KCNK2: variants seen among roughly 807,000 people sequenced by gnomAD.
KCNK2 encodes potassium two pore domain channel subfamily K member 2.
A neutral mutation model predicts 40.5 loss-of-function variants in KCNK2; 21 were observed. The ratio of observed to expected loss-of-function variants is 0.52; its 90% CI spans 0.37 to 0.75. KCNK2 has a LOEUF of 0.75. KCNK2 is among the 30% of genes least tolerant of loss of function. The pLI, the probability that KCNK2 is intolerant of heterozygous loss-of-function variation, is 0.00. For synonymous variants in KCNK2, 191 were observed against 202.2 expected, an observed-to-expected ratio of 0.94 and a Z score of 0.47; for missense variants, 399 against 531.6, an observed-to-expected ratio of 0.75 and a Z score of 2.45.
chr1:215,030,799 A>G (rs1657162609), intron 1 of KCNK2, among the ~76,000 whole-genome samples: 3 of 150,846 alleles, frequency 2.0e-5, no homozygotes, highest in African/African-American at 7.3e-5. Context: ...TGTCCACTTC[A>G]GCCTCCCAAA....
chr1:215,156,263 C>G (rs1359009614), intron 3 of KCNK2, among the ~76,000 whole-genome samples: 1 of 152,166 alleles, frequency 6.6e-6, no homozygotes, highest in Non-Finnish European at 1.5e-5. Context: ...TGCCTGTTCA[C>G]TTGAGACTGT....
intron 5 of KCNK2, among the ~76,000 whole-genome samples, chr1:215,178,388 T>G (rs1165559870): frequency 6.6e-6 from 1 of 152,152 alleles, no homozygotes; most frequent in Non-Finnish European, 1.5e-5. Flanking sequence ...GGACTCCCAG[T>G]AGTATGTTGA....
intron 1 of KCNK2, among the ~76,000 whole-genome samples, chr1:215,073,685 G>T (rs1458819829): frequency 6.6e-6 from 1 of 152,000 alleles, no homozygotes; most frequent in East Asian, 1.9e-4. Flanking sequence ...TATATAGCAA[G>T]GTGTATTGAC....
intron 1 of KCNK2, among the ~76,000 whole-genome samples, chr1:215,073,381 G>C (rs1481544853): frequency 1.3e-5 from 2 of 152,190 alleles, no homozygotes; most frequent in Admixed American, 6.5e-5. Flanking sequence ...TTGCAAAGGG[G>C]TAATAAATGG....
At chr1:215,143,945 C>T (rs1415128924) in intron 3 of KCNK2, among the ~76,000 whole-genome samples, 1 of 152,066 alleles carries the variant, frequency 6.6e-6, no homozygotes, top group Non-Finnish European at 1.5e-5. Flanking sequence ...TTACTGTCTA[C>T]AAGTAATTTG....
intron 1 of KCNK2, among the ~76,000 whole-genome samples, chr1:215,063,438 A>G (rs907544542): frequency 9.2e-5 from 14 of 152,172 alleles, no homozygotes; most frequent in Non-Finnish European, 2.1e-4. Context: ...TAACAGGTCC[A>G]TCTTGCTCAC....
At chr1:215,079,210 A>G (rs1659055990), upstream of KCNK2, among the ~76,000 whole-genome samples, 1 of 152,174 alleles carries the variant, frequency 6.6e-6, no homozygotes. Context: ...TCTTTCTATT[A>G]TACTTTCGAT....
In KCNK2 at chr1:215,122,901, C is replaced by T. The variant is rs578144389; in HGVS notation, c.358-1732C>T. 2.0e-5 allele frequency among the ~76,000 whole-genome samples: 3 copies of T among 151,956 alleles called. No homozygotes were observed. The South Asian group carries it at 6.2e-4, about 32-fold the overall frequency. ...CTGGGACTACAGGCGCCCGCTACCA[C>T]GCTCGGCTAGTTTTTTGTATTTTTA... is the stretch of plus-strand genomic sequence containing the variant. On this transcript the variant is annotated intron_variant, in intron 2 of 6. Coordinates refer to ENST00000444842, the MANE Select transcript of KCNK2 (RefSeq NM_001017425.3).
chr1:215,057,033 T>A (rs1290510496), intron 1 of KCNK2, among the ~76,000 whole-genome samples: 5 of 152,212 alleles, frequency 3.3e-5, no homozygotes, highest in Non-Finnish European at 5.9e-5. Flanking sequence ...AGTGAGTTTG[T>A]GTAAGTTTAT....
intron 6 of KCNK2, among the ~76,000 whole-genome samples, chr1:215,216,662 A>G (rs1665975962): frequency 1.5e-5 from 2 of 137,166 alleles, no homozygotes; most frequent in Admixed American, 7.6e-5. Context: ...ATTAATTTTA[A>G]TAATATATTG....
chr1:215,116,866 G>T (rs1372247911), intron 2 of KCNK2, among the ~76,000 whole-genome samples: 1 of 151,686 alleles, frequency 6.6e-6, no homozygotes, highest in African/African-American at 2.4e-5. Context: ...TGCTGGGGGG[G>T]GAACCTTGAA....
At chr1:215,168,982 T>G (rs1449523798) in intron 3 of KCNK2, among the ~76,000 whole-genome samples, 1 of 152,144 alleles carries the variant, frequency 6.6e-6, no homozygotes, top group Non-Finnish European at 1.5e-5. Context: ...ACAGTTTAAT[T>G]GGAATATTAA....
chr1:215,083,243 A>C lies in KCNK2; in HGVS notation c.-143A>C. 6.5e-7 allele frequency: 1 copy of C among 1,547,756 alleles called. No homozygotes were observed. Among genetic ancestry groups the C allele is most frequent in the Non-Finnish European group, 8.8e-7 (1 of 1,139,266 alleles). ...CCAGCCCCGCTCTCCCCACCTTGTA[A>C]AACAAAGCCGGGGAAAATGCCTGCC... On this transcript the variant is annotated 5_prime_UTR_variant, in exon 1 of 7. Coordinates refer to ENST00000444842, the MANE Select transcript of KCNK2 (RefSeq NM_001017425.3).
intron 1 of KCNK2, among the ~76,000 whole-genome samples, chr1:215,019,648 G>A (rs1471639117): frequency 2.6e-5 from 4 of 152,180 alleles, no homozygotes; most frequent in African/African-American, 9.7e-5. Flanking sequence ...ATTGGAATTA[G>A]AGGGAGAGAA....
At chr1:215,021,166 C>T (rs186545476) in intron 1 of KCNK2, among the ~76,000 whole-genome samples, 1 of 152,180 alleles carries the variant, frequency 6.6e-6, no homozygotes, top group Admixed American at 6.5e-5. Flanking sequence ...TATTAAGTAC[C>T]TGCAATTCTC....
At position 215,083,212 on chromosome 1, in the gene KCNK2, CCGCGTCCAG is replaced by C; in HGVS notation, c.-172_-164del. On this transcript the variant is annotated 5_prime_UTR_variant, in exon 1 of 7. Coordinates refer to ENST00000444842, the MANE Select transcript of KCNK2 (RefSeq NM_001017425.3). The stretch of plus-strand genomic sequence containing the variant: ...CTCACGCTCCCCCCCCCGCCCCCTC[CCGCGTCCAG>C]CCCCGCTCTCCCCACCTTGTAAAAC... 3 of 1,369,128 alleles carry C rather than the reference CCGCGTCCAG, an allele frequency of 2.2e-6. No individual in the cohort carries two copies. Among genetic ancestry groups the C allele is most frequent in the Non-Finnish European group, 3.0e-6 (3 of 1,001,196 alleles). 84.8% of individuals were successfully genotyped at this position (1,369,128 alleles called of 1,614,324 possible).
intron 2 of KCNK2, among the ~76,000 whole-genome samples, chr1:215,101,706 A>G (rs1371345767): frequency 6.6e-6 from 1 of 152,038 alleles, no homozygotes; most frequent in Admixed American, 6.6e-5. Flanking sequence ...GATGGATTGC[A>G]TATATGACGG....
At chr1:215,194,872 T>C in intron 5 of KCNK2, 81 bp from the exon 6 acceptor site, 1 of 1,330,416 alleles carries the variant, frequency 7.5e-7, no homozygotes, top group Non-Finnish European at 1.1e-6. Flanking sequence ...AACCAAAATT[T>C]AGTTAGTAAT....
chr1:215,102,633 T>C (rs1048034108), intron 2 of KCNK2, among the ~76,000 whole-genome samples: 1 of 152,014 alleles, frequency 6.6e-6, no homozygotes, highest in African/African-American at 2.4e-5. Flanking sequence ...TCACTCACCG[T>C]CACTCATTTA....
Sources: gnomAD v4.1 joint callset for allele counts (sites outside exome capture counted in the v4.1 genomes callset) on GRCh38, gnomAD v4.1.1 for gene constraint, MANE v1.5 for transcripts, NCBI Gene and HGNC (gene_info 2026-07-23, HGNC 2026-07-21) for gene names.